ADGRG2: variants seen among roughly 807,000 people sequenced by gnomAD.
ADGRG2 encodes the protein adhesion G protein-coupled receptor G2.
ADGRG2 carries 26 observed loss-of-function variants against 74.1 expected under a neutral mutation model. That is an observed-to-expected ratio of 0.35 (90% CI 0.26 to 0.49). The LOEUF is 0.49. ADGRG2 is among the 20% of genes least tolerant of loss of function. The probability of loss-of-function intolerance (pLI) is 0.99; values close to 1 mark genes in which losing one functional copy is unlikely to be tolerated. For missense variants in ADGRG2, 619 were observed against 763.1 expected (o/e 0.81, Z 2.22); for synonymous variants, 296 against 295.2 (o/e 1.00, Z -0.03).
intron 1 of ADGRG2, among the ~76,000 whole-genome samples, chrX:19,101,428 C>T (rs762893808): frequency 1.8e-5 from 2 of 111,298 alleles, no homozygotes; most frequent in East Asian, 2.8e-4. Flanking sequence ...TAGCCAGGCA[C>T]GGTGGCTCAC....
intron 1 of ADGRG2, among the ~76,000 whole-genome samples, chrX:19,108,746 G>C (rs897702400): frequency 9.0e-6 from 1 of 111,722 alleles, no homozygotes; most frequent in African/African-American, 3.3e-5. Flanking sequence ...CCCTTGGGGG[G>C]CAGTGAGTGA....
intron 3 of ADGRG2, among the ~76,000 whole-genome samples, chrX:19,058,927 C>A (rs763277078): frequency 8.9e-6 from 1 of 112,685 alleles, no homozygotes; most frequent in African/African-American, 3.2e-5. Flanking sequence ...ATCAGCAGAA[C>A]TGTTGCTTTT....
intron 15 of ADGRG2, 47 bp downstream of exon 15, chrX:19,019,548 ATTTT>A (rs372068061): frequency 2.9e-4 from 154 of 526,632 alleles, no homozygotes; most frequent in Middle Eastern, 4.6e-4. Flanking sequence ...TAGCATGGTG[ATTTT>A]TTTTTTTTTT....
rs542817888 is a variant in ADGRG2 at position 19,054,461 on chromosome X, T to C, written c.119-14237A>G. On this transcript the variant is annotated intron_variant, in intron 3 of 28. Coordinates refer to ENST00000379869, the MANE Select transcript of ADGRG2 (RefSeq NM_001079858.3). Reference sequence around the variant, plus strand: ...TTTCTGATTACAATCATAATGTGGGTTTATGTGGGAAGAATTCTAAGCCAC... The same window carrying C: ...TTTCTGATTACAATCATAATGTGGGCTTATGTGGGAAGAATTCTAAGCCAC... Among the ~76,000 whole-genome samples the C allele has an allele frequency of 1.4e-4, 16 of 111,404 alleles. No individual in the cohort carries two copies. In the South Asian group the frequency reaches 5.7e-3, roughly 40 times the overall value.
chrX:19,049,455 T>TTTTTTTTTTTTTTTTTTTTTTTTG (rs1328733136), intron 3 of ADGRG2, among the ~76,000 whole-genome samples: 1 of 90,997 alleles, frequency 1.1e-5, no homozygotes, highest in African/African-American at 4.8e-5. Flanking sequence ...TTTTTTTTTT[T>TTTTTTTTTTTTTTTTTTTTTTTTG]TTGTTGTTGT....
At position 19,048,343 on chromosome X, in the gene ADGRG2, G is replaced by A. The variant is rs774391577; in HGVS notation, c.119-8119C>T. ...ACTTATACAGCATTACTATATGACCGGGCACTGCGTAAATATTAGCTCATT... is the reference window on the plus strand; with the variant it reads ...ACTTATACAGCATTACTATATGACCAGGCACTGCGTAAATATTAGCTCATT... On this transcript the variant is annotated intron_variant, in intron 3 of 28. Coordinates refer to ENST00000379869, the MANE Select transcript of ADGRG2 (RefSeq NM_001079858.3). Among the ~76,000 whole-genome samples the A allele has an allele frequency of 3.6e-5, 4 of 112,485 alleles. No homozygotes were observed. In the East Asian group the frequency reaches 8.4e-4, roughly 24 times the overall value.
chrX:19,075,312 C>T (rs1029710732), intron 2 of ADGRG2, among the ~76,000 whole-genome samples: 2 of 109,426 alleles, frequency 1.8e-5, no homozygotes, highest in African/African-American at 6.6e-5. Flanking sequence ...AGACAGATAA[C>T]CTTCAAAGGA....
chrX:19,058,878 T>G (rs2061443553), intron 3 of ADGRG2, among the ~76,000 whole-genome samples: 1 of 112,650 alleles, frequency 8.9e-6, no homozygotes, highest in Non-Finnish European at 1.9e-5. Context: ...TTCAACAGCG[T>G]GTTCTCTTGG....
Position 19,068,784 on chromosome X carries a change from A to T in ADGRG2, c.51T>A (p.Val17=). The T allele has an allele frequency of 8.5e-7, 1 of 1,173,253 alleles. No homozygotes were observed. The change falls in exon 3 of 29, where the codon GTT becomes GTA. Residue 17 remains valine, a synonymous_variant. Coordinates refer to ENST00000379869, the MANE Select transcript of ADGRG2 (RefSeq NM_001079858.3). The stretch of plus-strand genomic sequence containing the variant: ...CAAGGAATATCTTGAACGTCAGTAA[A>T]ACTTCTTCAGTTCTGCCAACATGGC... ...QCGHVGRTEE[V]LLTFKIFLVI... is the part of the protein sequence containing the mutation.
At chrX:19,039,248 T>C (rs2061007093) in intron 4 of ADGRG2, 1 of 329,431 alleles carries the variant, frequency 3.0e-6, no homozygotes. Context: ...AACACGAGCA[T>C]GTTTTATCCT....
At chrX:19,122,480 C>T (rs1177420973), upstream of ADGRG2, 4 of 111,419 alleles carry the variant, frequency 3.6e-5, no homozygotes, top group East Asian at 1.1e-3. Flanking sequence ...CTGGCGCCGT[C>T]CGGCCCGCCT....
chrX:19,040,947 T>C lies in ADGRG2; in HGVS notation c.119-723A>G, dbSNP rs138122805. ...TATATATTATTTCTCTATGTGTGTATATATATTTACATATATAGATATATG... is the reference window on the plus strand; with the variant it reads ...TATATATTATTTCTCTATGTGTGTACATATATTTACATATATAGATATATG... On this transcript the variant is annotated intron_variant, in intron 3 of 28. Transcript: ENST00000379869. Among the ~76,000 whole-genome samples, 1,000 of 111,497 alleles carry C rather than the reference T, an allele frequency of 9.0e-3. 13 individuals carry two copies. Among genetic ancestry groups the C allele is most frequent in the African/African-American group, 0.03 (920 of 30,786 alleles).
chrX:19,107,699 C>A (rs1298215420), intron 1 of ADGRG2, among the ~76,000 whole-genome samples: 4 of 99,921 alleles, frequency 4.0e-5, no homozygotes, highest in Non-Finnish European at 8.1e-5. Context: ...TGGGGGCAGG[C>A]AGGAAAAGAA....
At chrX:19,086,160 G>C (rs2061932355) in intron 1 of ADGRG2, among the ~76,000 whole-genome samples, 1 of 111,802 alleles carries the variant, frequency 8.9e-6, no homozygotes, top group African/African-American at 3.3e-5. Context: ...TTATCTCCTA[G>C]AGAAGCGGAA....
rs762136973 is a variant in ADGRG2 at position 19,063,199 on chromosome X, G to A, written c.118+5518C>T. Among the ~76,000 whole-genome samples, 6 of 111,379 alleles carry A rather than the reference G, an allele frequency of 5.4e-5. No individual in the cohort carries two copies. In the East Asian group the frequency reaches 8.5e-4, roughly 16 times the overall value. Reference sequence around the variant, plus strand: ...GAGTGTCATCCCACCTCTCCCTGCCGTCAAGAGCTACTGAGTCACCTCTCA... The same window carrying A: ...GAGTGTCATCCCACCTCTCCCTGCCATCAAGAGCTACTGAGTCACCTCTCA... On this transcript the variant is annotated intron_variant, in intron 3 of 28. Coordinates refer to ENST00000379869, the MANE Select transcript of ADGRG2 (RefSeq NM_001079858.3).
intron 2 of ADGRG2, among the ~76,000 whole-genome samples, chrX:19,069,437 A>G (rs1451089098): frequency 9.0e-6 from 1 of 110,871 alleles, no homozygotes; most frequent in East Asian, 2.8e-4. Context: ...GACAGGAGGC[A>G]GGGAAATATT....
At chrX:18,994,118 TG>T (rs1306097829) in intron 28 of ADGRG2, among the ~76,000 whole-genome samples, 1 of 112,189 alleles carries the variant, frequency 8.9e-6, no homozygotes, top group Non-Finnish European at 1.9e-5. Context: ...GACATATTCA[TG>T]GGGATTTGGG....
chrX:19,015,519 G>A (rs977936287), intron 15 of ADGRG2, among the ~76,000 whole-genome samples: 1 of 112,684 alleles, frequency 8.9e-6, no homozygotes. Context: ...AGGAGTTTGC[G>A]ACCAGCCTGG....
Position 19,013,846 on chromosome X carries a change from G to T in ADGRG2, c.939C>A (p.Ser313Arg). The T allele has an allele frequency of 8.3e-7, 1 of 1,207,819 alleles. No homozygotes were observed. The highest frequency in any genetic ancestry group is 1.8e-5 in the South Asian group (1 of 56,249). Residue 313 changes from serine to arginine, a missense_variant, in exon 16 of 29, where the codon AGC becomes AGA. By Grantham distance (110) the Ser-to-Arg change is moderately radical (BLOSUM62 -1). This residue lies in a region of ADGRG2 where 292 missense variants were observed against 318.0 expected (regional missense o/e 0.92). Transcript: ENST00000379869. Reference protein sequence around the residue: ...SPQPSAPIASSPAIDMPPQSE... With the variant: ...SPQPSAPIASRPAIDMPPQSE... ...ACTGTGGGGGCATGTCAATGGCAGG[G>T]CTGGAAGCTATGGGAGCTGAAGGCT...
Sources: allele counts gnomAD v4.1 joint callset (sites outside exome capture counted in the v4.1 genomes callset), GRCh38; gene constraint gnomAD v4.1.1; regional missense constraint gnomAD v4.1.1; transcripts MANE v1.5; gene names NCBI Gene and HGNC (gene_info 2026-07-23, HGNC 2026-07-21).